Variants in HS6ST2 observed in about 807,000 individuals in gnomAD.
The protein encoded by HS6ST2 is heparan sulfate 6-O-sulfotransferase 2.
In HS6ST2, 17 loss-of-function variants were observed where a neutral mutation model predicts 33.0. That is an observed-to-expected ratio of 0.52 (90% CI 0.35 to 0.77). HS6ST2 has a LOEUF of 0.77. Among genes scored for constraint, HS6ST2 ranks in the 30% least tolerant of loss-of-function variants. HS6ST2 has a pLI of 0.01. For synonymous variants in HS6ST2, 248 were observed against 237.1 expected (o/e 1.05, Z -0.42); for missense variants, 519 against 551.7 (o/e 0.94, Z 0.59).
intron 4 of HS6ST2, among the ~76,000 whole-genome samples, chrX:132,632,397 T>C (rs751900053): frequency 3.2e-4 from 36 of 111,467 alleles, no homozygotes; most frequent in Non-Finnish European, 5.1e-4. Flanking sequence ...CAGGTAAAGA[T>C]AACACCTTGG....
At chrX:132,725,559 G>A (rs752217014) in intron 2 of HS6ST2, among the ~76,000 whole-genome samples, 1 of 112,309 alleles carries the variant, frequency 8.9e-6, no homozygotes, top group African/African-American at 3.2e-5. Flanking sequence ...ATACACTGCC[G>A]ATGGGAATGT....
intron 2 of HS6ST2, among the ~76,000 whole-genome samples, chrX:132,919,698 T>C (rs1182648701): frequency 9.0e-6 from 1 of 111,729 alleles, no homozygotes; most frequent in East Asian, 2.8e-4. Context: ...TAAATGGCCA[T>C]TGGAAATCTC....
chrX:132,901,826 G>A (rs992286084), intron 2 of HS6ST2, among the ~76,000 whole-genome samples: 1 of 111,431 alleles, frequency 9.0e-6, no homozygotes, highest in African/African-American at 3.3e-5. Flanking sequence ...CAAAGGCTCA[G>A]TTGAGAAAGC....
intron 2 of HS6ST2, among the ~76,000 whole-genome samples, chrX:132,845,512 A>C (rs2065744146): frequency 2.7e-5 from 3 of 111,662 alleles, no homozygotes; most frequent in Admixed American, 9.6e-5. Context: ...ATTACCTGGC[A>C]CATAGGAGGT....
At chrX:132,631,678 T>G (rs1463713841) in intron 4 of HS6ST2, among the ~76,000 whole-genome samples, 1 of 111,477 alleles carries the variant, frequency 9.0e-6, no homozygotes, top group Non-Finnish European at 1.9e-5. Context: ...TTTCCAGGCA[T>G]GCATTGTAAT....
rs769690238 is a variant in HS6ST2 at position 132,957,330 on chromosome X, G to A, written c.429-4C>T. On this transcript the variant is annotated splice_region_variant and splice_polypyrimidine_tract_variant and intron_variant, in intron 1 of 4. Transcript: ENST00000370833. ...TTTCTCATCCATGTTCCCGACGCTGGGGGAAACCCAAGCTCGTTACGTCAA... is the reference window on the plus strand; with the variant it reads ...TTTCTCATCCATGTTCCCGACGCTGAGGGAAACCCAAGCTCGTTACGTCAA... The A allele has an allele frequency of 1.0e-5, 12 of 1,152,736 alleles. No individual in the cohort carries two copies. Among genetic ancestry groups the A allele is most frequent in the Non-Finnish European group, 1.2e-5 (10 of 866,177 alleles). 95.0% of individuals were successfully genotyped at this position (1,152,736 alleles called of 1,213,427 possible). A position where few individuals can be genotyped will look rare whatever the true frequency, so the allele number is the denominator to read the frequency against.
intron 2 of HS6ST2, among the ~76,000 whole-genome samples, chrX:132,942,664 C>T (rs191813562): frequency 1.8e-4 from 20 of 112,166 alleles, no homozygotes; most frequent in Non-Finnish European, 3.4e-4. Context: ...ATTTCACTGG[C>T]TCCTCTGTTC....
intron 4 of HS6ST2, among the ~76,000 whole-genome samples, chrX:132,640,945 A>G (rs995973189): frequency 3.6e-5 from 4 of 111,247 alleles, no homozygotes; most frequent in Admixed American, 1.9e-4. Flanking sequence ...GATATATTGC[A>G]CGATGCTGAG....
At chrX:132,784,709 T>C (rs973419083) in intron 2 of HS6ST2, among the ~76,000 whole-genome samples, 4 of 111,735 alleles carry the variant, frequency 3.6e-5, no homozygotes, top group Non-Finnish European at 7.5e-5. Flanking sequence ...GGTTGTGAGC[T>C]AAACAAGAGC....
At chrX:132,910,528 C>A (rs1252292580) in intron 2 of HS6ST2, among the ~76,000 whole-genome samples, 1 of 111,868 alleles carries the variant, frequency 8.9e-6, no homozygotes, top group Non-Finnish European at 1.9e-5. Context: ...CTAAAGAACA[C>A]CCTGATGATC....
At chrX:132,818,307 G>A (rs1394476703) in intron 2 of HS6ST2, among the ~76,000 whole-genome samples, 1 of 111,055 alleles carries the variant, frequency 9.0e-6, no homozygotes, top group Non-Finnish European at 1.9e-5. Context: ...GTTTGGTTGA[G>A]TGACTTCAGG....
upstream of HS6ST2, chrX:132,958,841 CA>C (rs1174858111): frequency 1.1e-5 from 4 of 349,638 alleles, no homozygotes; most frequent in Non-Finnish European, 2.0e-5. Flanking sequence ...TGCCAATTTC[CA>C]TTCTCCAGCG....
chrX:132,947,466 A>C (rs2066969224), intron 2 of HS6ST2, among the ~76,000 whole-genome samples: 1 of 110,961 alleles, frequency 9.0e-6, no homozygotes, highest in African/African-American at 3.3e-5. Flanking sequence ...AAGCATATGC[A>C]AGTTTAGAAT....
At chrX:132,690,873 AACAC>A (rs1485984723) in intron 3 of HS6ST2, among the ~76,000 whole-genome samples, 1 of 112,021 alleles carries the variant, frequency 8.9e-6, no homozygotes, top group African/African-American at 3.2e-5. Context: ...CCCAGTCTAC[AACAC>A]ACTGTCCTTT....
intron 2 of HS6ST2, among the ~76,000 whole-genome samples, chrX:132,783,809 G>A (rs1461575250): frequency 9.0e-6 from 1 of 111,536 alleles, no homozygotes; most frequent in Non-Finnish European, 1.9e-5. Flanking sequence ...GCCTTAAATG[G>A]AAGATGAGGC....
At chrX:132,722,357 A>G (rs1333693462) in intron 2 of HS6ST2, among the ~76,000 whole-genome samples, 5 of 111,912 alleles carry the variant, frequency 4.5e-5, no homozygotes, top group Non-Finnish European at 9.4e-5. Context: ...CTATTTTGTG[A>G]TGCATGAAAT....
At chrX:132,813,375 C>T (rs1206202718) in intron 2 of HS6ST2, among the ~76,000 whole-genome samples, 2 of 111,400 alleles carry the variant, frequency 1.8e-5, no homozygotes, top group Non-Finnish European at 3.8e-5. Flanking sequence ...CAACTGTTTC[C>T]TCATGGTTCA....
At chrX:132,804,049 A>G (rs2065258550) in intron 2 of HS6ST2, among the ~76,000 whole-genome samples, 1 of 112,302 alleles carries the variant, frequency 8.9e-6, no homozygotes, top group Non-Finnish European at 1.9e-5. Flanking sequence ...AATCAAAACT[A>G]TATTGATAAT....
At chrX:132,861,399 T>G (rs2065909435) in intron 2 of HS6ST2, among the ~76,000 whole-genome samples, 2 of 111,708 alleles carry the variant, frequency 1.8e-5, no homozygotes, top group African/African-American at 6.5e-5. Context: ...TAAAAGGAGG[T>G]GAATTTTCCT....
Sources: allele counts gnomAD v4.1 joint callset (sites outside exome capture counted in the v4.1 genomes callset), GRCh38; gene constraint gnomAD v4.1.1; transcripts MANE v1.5; gene names NCBI Gene and HGNC (gene_info 2026-07-23, HGNC 2026-07-21).